ZMAT4: variants seen among roughly 807,000 people sequenced by gnomAD.
ZMAT4 encodes the protein zinc finger matrin-type 4.
In ZMAT4, 17 loss-of-function variants were observed where a neutral mutation model predicts 28.7. The observed-to-expected ratio is 0.59, with a 90% confidence interval of 0.41 to 0.89. The LOEUF (loss-of-function observed/expected upper bound fraction) is 0.89. Among genes scored for constraint, ZMAT4 ranks in the 40% least tolerant of loss-of-function variants. The pLI is 0.00. For missense variants in ZMAT4, 240 were observed against 283.8 expected (o/e 0.85, Z 1.11); for synonymous variants, 117 against 109.2 (o/e 1.07, Z -0.44).
intron 2 of ZMAT4, among the ~76,000 whole-genome samples, chr8:40,792,168 A>C (rs1202157104): frequency 6.6e-6 from 1 of 152,174 alleles, no homozygotes; most frequent in Non-Finnish European, 1.5e-5. Flanking sequence ...TGTGAGCTAT[A>C]TACTGTGAGC....
At chr8:40,544,896 A>C (rs1033493616) in intron 6 of ZMAT4, among the ~76,000 whole-genome samples, 1 of 152,188 alleles carries the variant, frequency 6.6e-6, no homozygotes, top group African/African-American at 2.4e-5. Flanking sequence ...TCCTGGTATA[A>C]TCCCCTCTCC....
chr8:40,594,254 G>T (rs1008893657), intron 5 of ZMAT4, among the ~76,000 whole-genome samples: 2 of 152,146 alleles, frequency 1.3e-5, no homozygotes, highest in Admixed American at 6.5e-5. Context: ...TCTATTTATA[G>T]AAACATACCT....
chr8:40,748,851 A>G (rs769317921), intron 3 of ZMAT4, among the ~76,000 whole-genome samples: 22 of 152,056 alleles, frequency 1.4e-4, no homozygotes, highest in South Asian at 1.2e-3. Flanking sequence ...TCCCTATCAG[A>G]TATGGTTTGG....
intron 2 of ZMAT4, among the ~76,000 whole-genome samples, chr8:40,797,993 C>A (rs932974010): frequency 6.6e-6 from 1 of 152,180 alleles, no homozygotes; most frequent in African/African-American, 2.4e-5. Context: ...TATCAGGTGT[C>A]CATGCCCTTC....
intron 6 of ZMAT4, among the ~76,000 whole-genome samples, chr8:40,559,111 C>T (rs562210478): frequency 1.3e-5 from 2 of 152,266 alleles, no homozygotes; most frequent in East Asian, 3.9e-4. Flanking sequence ...AATTGCAGCT[C>T]GCCCACCACC....
At chr8:40,833,649 C>A (rs941352942) in intron 1 of ZMAT4, among the ~76,000 whole-genome samples, 5 of 151,798 alleles carry the variant, frequency 3.3e-5, no homozygotes, top group Non-Finnish European at 7.4e-5. Flanking sequence ...GACGTCTGAC[C>A]CCCACTCCCG....
At chr8:40,784,834 C>T (rs1032048186) in intron 2 of ZMAT4, among the ~76,000 whole-genome samples, 11 of 152,046 alleles carry the variant, frequency 7.2e-5, no homozygotes, top group African/African-American at 1.2e-4. Context: ...CAGGATGTGA[C>T]GATAAAAGTA....
intron 2 of ZMAT4, among the ~76,000 whole-genome samples, chr8:40,781,789 A>AAAC (rs1563480296): frequency 2.7e-5 from 4 of 147,848 alleles, no homozygotes; most frequent in African/African-American, 1.0e-4. Context: ...AAAAAAAAAA[A>AAAC]AAGAAAAGAA....
At chr8:40,784,012 A>G (rs35487023) in intron 2 of ZMAT4, among the ~76,000 whole-genome samples, 25,131 of 152,074 alleles carry the variant, frequency 0.17, 2,589 homozygotes, top group Middle Eastern at 0.24. Flanking sequence ...ACTCCATCTC[A>G]AAAAATAATA....
intron 5 of ZMAT4, among the ~76,000 whole-genome samples, chr8:40,605,151 G>A (rs1805536440): frequency 1.3e-5 from 2 of 152,088 alleles, no homozygotes; most frequent in South Asian, 4.2e-4. Flanking sequence ...TTTATCTTTT[G>A]TATTGTTTTC....
intron 1 of ZMAT4, among the ~76,000 whole-genome samples, chr8:40,892,461 G>C (rs1028953873): frequency 6.6e-6 from 1 of 152,220 alleles, no homozygotes; most frequent in African/African-American, 2.4e-5. Context: ...AGGGAAGCTG[G>C]AGTGGAGTGC....
chr8:40,747,031 G>A (rs1812267947), intron 3 of ZMAT4, among the ~76,000 whole-genome samples: 1 of 152,156 alleles, frequency 6.6e-6, no homozygotes, highest in African/African-American at 2.4e-5. Context: ...TAGCACTTAT[G>A]AGAGCTGCCA....
At chr8:40,713,971 A>G (rs1810740227) in intron 3 of ZMAT4, among the ~76,000 whole-genome samples, 1 of 151,564 alleles carries the variant, frequency 6.6e-6, no homozygotes, top group Non-Finnish European at 1.5e-5. Flanking sequence ...AAAAGAAAAG[A>G]AATATACATA....
intron 2 of ZMAT4, among the ~76,000 whole-genome samples, chr8:40,823,366 T>TA (rs1297945291): frequency 6.6e-5 from 10 of 151,954 alleles, no homozygotes; most frequent in Non-Finnish European, 1.5e-4. Context: ...AACATACTAA[T>TA]AAAAAAATCT....
Position 40,875,402 on chromosome 8 carries a change from G to T in ZMAT4, c.-5+22281C>A, listed in dbSNP as rs568145355. On this transcript the variant is annotated intron_variant, in intron 1 of 6. Coordinates refer to ENST00000297737, the MANE Select transcript of ZMAT4 (RefSeq NM_024645.3). Reference sequence around the variant, plus strand: ...AGACAACAGACGAGCTGATAAGCTTGTTGTTGTTACAGGGGAATTGGTTGA... The same window carrying T: ...AGACAACAGACGAGCTGATAAGCTTTTTGTTGTTACAGGGGAATTGGTTGA... Among the ~76,000 whole-genome samples the T allele has an allele frequency of 4.7e-4, 71 of 152,262 alleles. 2 individuals are homozygous for T. In the South Asian group the frequency reaches 0.014, roughly 29 times the overall value.
intron 5 of ZMAT4, among the ~76,000 whole-genome samples, chr8:40,620,844 A>C (rs1027476382): frequency 2.0e-5 from 3 of 152,208 alleles, no homozygotes; most frequent in Non-Finnish European, 2.9e-5. Flanking sequence ...TTCTCAGGCA[A>C]GCCTTGTTGT....
intron 3 of ZMAT4, among the ~76,000 whole-genome samples, chr8:40,732,751 C>T (rs1811593965): frequency 1.3e-5 from 2 of 151,742 alleles, no homozygotes. Flanking sequence ...CTGGATGCCC[C>T]AGTGGCCTCA....
At chr8:40,646,236 T>G (rs889088560) in intron 5 of ZMAT4, among the ~76,000 whole-genome samples, 1 of 152,002 alleles carries the variant, frequency 6.6e-6, no homozygotes, top group Non-Finnish European at 1.5e-5. Context: ...TCTGTTTATC[T>G]CATCTATTTT....
intron 6 of ZMAT4, among the ~76,000 whole-genome samples, chr8:40,578,307 G>GA (rs1804335398): frequency 6.6e-6 from 1 of 151,902 alleles, no homozygotes. Flanking sequence ...TATCTGTATG[G>GA]AAAAAAATCA....
Sources: gnomAD v4.1 joint callset for allele counts (sites outside exome capture counted in the v4.1 genomes callset) on GRCh38, gnomAD v4.1.1 for gene constraint, MANE v1.5 for transcripts, NCBI Gene and HGNC (gene_info 2026-07-23, HGNC 2026-07-21) for gene names.